The following STX17 variants were observed in gnomAD, a reference collection of about 807,000 sequenced individuals.
STX17 encodes the protein syntaxin-17.
A neutral mutation model predicts 35.9 loss-of-function variants in STX17; 29 were observed. The observed-to-expected ratio is 0.81, with a 90% confidence interval of 0.60 to 1.10. The LOEUF (loss-of-function observed/expected upper bound fraction) is 1.10. Ranked by LOEUF, STX17 falls within the 50% of genes least tolerant of loss-of-function variation. The pLI, the probability that STX17 is intolerant of heterozygous loss-of-function variation, is 0.00. For synonymous variants in STX17, 92 were observed against 118.3 expected (o/e 0.78, Z 1.44); for missense variants, 312 against 352.3 (o/e 0.89, Z 0.92).
At position 99,911,867 on chromosome 9, in the gene STX17, G is replaced by A. The variant is rs141202149; in HGVS notation, c.-62-3311G>A. On this transcript the variant is annotated intron_variant, in intron 1 of 7. Coordinates refer to ENST00000259400, the MANE Select transcript of STX17 (RefSeq NM_017919.3). ...GCTGGAATTACAGCTATGAGCCAGC[G>A]TACCCAGCCCATACTGTTTTTCATA... 2.4e-3 allele frequency among the ~76,000 whole-genome samples: 358 copies of A among 152,266 alleles called. 1 individual carries two copies. Among genetic ancestry groups the A allele is most frequent in the Non-Finnish European group, 3.8e-3 (258 of 68,024 alleles).
chr9:99,957,718 A>T (rs1432245371), intron 4 of STX17, among the ~76,000 whole-genome samples: 5 of 147,586 alleles, frequency 3.4e-5, no homozygotes, highest in Non-Finnish European at 5.9e-5. Context: ...CAGTGGAGTG[A>T]TCTTGGCTCA....
Position 99,973,363 on chromosome 9 carries a change from G to A in STX17, c.*4690G>A, listed in dbSNP as rs1436681971. Among the ~76,000 whole-genome samples the A allele has an allele frequency of 6.6e-6, 1 of 152,220 alleles. No homozygotes were observed. Among genetic ancestry groups the A allele is most frequent in the Non-Finnish European group, 1.5e-5 (1 of 68,032 alleles). ...AGTGTTAGGCCCTGTCAAGCCACCT[G>A]CTAAGGCTCATGGTCTTTCAGACTA... On this transcript the variant is annotated 3_prime_UTR_variant, in exon 8 of 8. Coordinates refer to ENST00000259400, the MANE Select transcript of STX17 (RefSeq NM_017919.3).
intron 3 of STX17, among the ~76,000 whole-genome samples, chr9:99,947,850 T>C (rs7038506): frequency 0.7 from 105,750 of 151,978 alleles, 37,092 homozygotes; most frequent in African/African-American, 0.75. Context: ...GCAAATGTGG[T>C]CCTGAGTTCA....
At chr9:99,929,619 G>A (rs538216366) in intron 3 of STX17, among the ~76,000 whole-genome samples, 151 of 150,978 alleles carry the variant, frequency 1.0e-3, no homozygotes, top group African/African-American at 3.4e-3. Context: ...TTTTCTTATG[G>A]TAGGTGGAGC....
At chr9:99,930,457 TG>T (rs1373788869) in intron 3 of STX17, among the ~76,000 whole-genome samples, 1 of 151,760 alleles carries the variant, frequency 6.6e-6, no homozygotes, top group Non-Finnish European at 1.5e-5. Flanking sequence ...TTAGTAGAGA[TG>T]GGGTTTCACA....
chr9:99,944,190 A>T (rs913286769), intron 3 of STX17, among the ~76,000 whole-genome samples: 1 of 151,804 alleles, frequency 6.6e-6, no homozygotes. Context: ...TGCCTTCTCT[A>T]TTTTTTAAAA....
At chr9:99,942,571 C>T (rs538725936) in intron 3 of STX17, among the ~76,000 whole-genome samples, 1 of 152,270 alleles carries the variant, frequency 6.6e-6, no homozygotes, top group East Asian at 1.9e-4. Context: ...ACTGCTGTCT[C>T]AAACTCCTGG....
At chr9:99,927,096 G>T (rs1161374810) in intron 2 of STX17, among the ~76,000 whole-genome samples, 1 of 152,192 alleles carries the variant, frequency 6.6e-6, no homozygotes, top group Admixed American at 6.5e-5. Context: ...CTCTCTCAGT[G>T]TATTCCTCTC....
chr9:99,961,871 A>G (rs1829831927), intron 6 of STX17, among the ~76,000 whole-genome samples: 1 of 152,164 alleles, frequency 6.6e-6, no homozygotes, highest in Non-Finnish European at 1.5e-5. Flanking sequence ...GCACAAGGAT[A>G]TTGATACTTA....
chr9:99,958,817 G>C (rs1357638974), intron 4 of STX17, among the ~76,000 whole-genome samples: 1 of 152,220 alleles, frequency 6.6e-6, no homozygotes, highest in African/African-American at 2.4e-5. Context: ...TTTAAAGTGT[G>C]AATTAATTCA....
chr9:99,926,093 G>T (rs756692083), intron 2 of STX17, among the ~76,000 whole-genome samples: 64 of 151,384 alleles, frequency 4.2e-4, no homozygotes, highest in Non-Finnish European at 4.6e-4. Context: ...CTTCTGCATT[G>T]TCTTATCTGC....
In STX17 at chr9:99,968,415, A is replaced by ATTT; in HGVS notation, c.670-7_670-5dup. 10 of 1,348,040 alleles carry ATTT rather than the reference A, an allele frequency of 7.4e-6. No homozygotes were observed. Among genetic ancestry groups the ATTT allele is most frequent in the South Asian group, 3.2e-5 (2 of 62,716 alleles). 83.5% of individuals were successfully genotyped at this position (1,348,040 alleles called of 1,614,324 possible). A position where few individuals can be genotyped will look rare whatever the true frequency, so the allele number is the denominator to read the frequency against. Reference sequence around the variant, plus strand: ...ATTCTCAACTCAGTTTCTAAATTGAATTTTTTTTTTTTTTACAGGCTGCAA... The same window carrying ATTT: ...ATTCTCAACTCAGTTTCTAAATTGAATTTTTTTTTTTTTTTTTACAGGCTGCAA... On this transcript the variant is annotated intron_variant, in intron 7 of 7. Transcript: ENST00000259400.
At chr9:99,935,762 T>G (rs1402816449) in intron 3 of STX17, among the ~76,000 whole-genome samples, 1 of 152,204 alleles carries the variant, frequency 6.6e-6, no homozygotes, top group African/African-American at 2.4e-5. Flanking sequence ...TGTGGAAGGC[T>G]TCTGATGACA....
chr9:99,967,683 G>C lies in STX17; in HGVS notation c.613G>C (p.Asp205His). The C allele has an allele frequency of 6.2e-7, 1 of 1,613,894 alleles. No individual in the cohort carries two copies. The highest frequency in any genetic ancestry group is 8.5e-7 in the Non-Finnish European group (1 of 1,179,890). The change falls in exon 7 of 8, where the codon GAC (aspartate) becomes CAC (histidine). Residue 205 changes from aspartate (D) to histidine (H), a missense_variant. Coordinates refer to ENST00000259400, the MANE Select transcript of STX17 (RefSeq NM_017919.3). ...SQQEKIDSIA[D>H]HVNSAAVNVE... ...GCAGGAGAAGATTGACAGCATTGCA[G>C]ACCATGTCAACAGTGCTGCTGTGAA... is the stretch of plus-strand genomic sequence containing the variant.
intron 6 of STX17, 147 bp downstream of exon 6, chr9:99,960,302 C>G (rs1006054121): frequency 2.4e-6 from 2 of 824,326 alleles, no homozygotes; most frequent in African/African-American, 1.7e-5. Flanking sequence ...TAACTGTTCT[C>G]AAATTCCAGA....
At chr9:99,955,853 A>G (rs1001803821) in intron 4 of STX17, among the ~76,000 whole-genome samples, 1 of 152,042 alleles carries the variant, frequency 6.6e-6, no homozygotes, top group Non-Finnish European at 1.5e-5. Context: ...AAACAGTTAC[A>G]ATTTTTTACT....
At chr9:99,940,454 A>G (rs1829328882) in intron 3 of STX17, among the ~76,000 whole-genome samples, 1 of 142,898 alleles carries the variant, frequency 7.0e-6, no homozygotes, top group Admixed American at 7.1e-5. Context: ...ACTTGTTTGT[A>G]TAGTGTAGAA....
intron 3 of STX17, 55 bp downstream of exon 3, chr9:99,928,898 C>A: frequency 1.3e-6 from 2 of 1,525,422 alleles, no homozygotes; most frequent in Non-Finnish European, 1.8e-6. Context: ...AGTCTTAAGA[C>A]AATTTTGCTA....
intron 1 of STX17, among the ~76,000 whole-genome samples, chr9:99,912,464 A>G (rs1828685382): frequency 6.6e-6 from 1 of 152,004 alleles, no homozygotes; most frequent in South Asian, 2.1e-4. Context: ...TAATGGAACT[A>G]TTTGTTTCTT....
Sources: allele counts gnomAD v4.1 joint callset (sites outside exome capture counted in the v4.1 genomes callset), GRCh38; gene constraint gnomAD v4.1.1; transcripts MANE v1.5; gene names NCBI Gene and HGNC (gene_info 2026-07-23, HGNC 2026-07-21).